Variants in AHCY observed in about 807,000 individuals in gnomAD.
The protein encoded by AHCY is S-adenosyl-L-homocysteine hydrolase.
In AHCY, 24 loss-of-function variants were observed where a neutral mutation model predicts 45.4. The observed-to-expected ratio is 0.53, with a 90% CI of 0.38 to 0.74. The LOEUF (loss-of-function observed/expected upper bound fraction) is 0.74. Ranked by LOEUF, AHCY falls within the 30% of genes least tolerant of loss-of-function variation. The pLI is 0.00. For synonymous variants in AHCY, 245 were observed against 235.1 expected (o/e 1.04, Z -0.39); for missense variants, 449 against 594.1 (o/e 0.76, Z 2.54).
the AHCY span, among the ~76,000 whole-genome samples, chr20:34,271,375 G>GT: frequency 6.6e-6 from 1 of 152,116 alleles, no homozygotes; most frequent in Non-Finnish European, 1.5e-5. Context: ...TTTGATTGTT[G>GT]TGAGAATCTG....
the AHCY span, chr20:34,268,859 G>A: frequency 9.8e-5 from 108 of 1,105,212 alleles, no homozygotes; most frequent in African/African-American, 1.3e-3. Context: ...GGGAGCGGGC[G>A]GTGGGCGGTG....
At chr20:34,300,975 G>A (rs2036750242) in intron 1 of AHCY, among the ~76,000 whole-genome samples, 1 of 152,198 alleles carries the variant, frequency 6.6e-6, no homozygotes, top group African/African-American at 2.4e-5. Context: ...CTGGCTCAGA[G>A]AAGGGGTCAG....
At chr20:34,255,773 C>T in the AHCY span, among the ~76,000 whole-genome samples, 2 of 152,202 alleles carry the variant, frequency 1.3e-5, no homozygotes, top group African/African-American at 4.8e-5. Context: ...TAGAGGGCTT[C>T]CTGGTCTAGC....
In AHCY at chr20:34,295,592, G is replaced by C; in HGVS notation, c.29-7C>G. 3 of 1,613,488 alleles carry C rather than the reference G, an allele frequency of 1.9e-6. No homozygotes were observed. The highest frequency in any genetic ancestry group is 2.5e-6 in the Non-Finnish European group (3 of 1,179,792). On this transcript the variant is annotated splice_region_variant and splice_polypyrimidine_tract_variant and intron_variant, in intron 1 of 9. Coordinates refer to ENST00000217426, the MANE Select transcript of AHCY (RefSeq NM_000687.4). ...GCAGCCAGGCCGATGTCGGCTACGG[G>C]AGGAAACAGGTGGGAGTTCCGTGAG...
intron 9 of AHCY, among the ~76,000 whole-genome samples, chr20:34,282,033 T>C (rs2036021105): frequency 1.3e-5 from 2 of 152,262 alleles, no homozygotes; most frequent in Admixed American, 1.3e-4. Flanking sequence ...GGTTGCTTTT[T>C]TTGATTAAAA....
chr20:34,290,579 T>G lies in AHCY; in HGVS notation c.826A>C (p.Thr276Pro). The change falls in exon 7 of 10, where the codon ACA becomes CCA. Residue 276 changes from threonine (T) to proline (P), a missense_variant. Physicochemically the swap from Thr to Pro is conservative, Grantham distance 38. Transcript: ENST00000217426. This position sits in a 1 kb window ranked among gnomAD's most constrained non-coding sequence, Gnocchi z 4.5. ...CQEGNIFVTT[T>P]GCIDIILGRH... ...CCAAGGATGATGTCAATACAGCCTG[T>G]GGTGGTGACAAAGATGTTGCCCTCC... 1 of 1,614,182 alleles carries G rather than the reference T, an allele frequency of 6.2e-7. No homozygotes were observed. The highest frequency in any genetic ancestry group is 2.2e-5 in the East Asian group (1 of 44,884).
chr20:34,234,573 C>T, the AHCY span, among the ~76,000 whole-genome samples: 2 of 151,792 alleles, frequency 1.3e-5, no homozygotes, highest in South Asian at 2.1e-4. Flanking sequence ...GTGTATATGA[C>T]GGACTGCATA....
chr20:34,280,164 A>G (rs1369038646), downstream of AHCY: 1 of 152,186 alleles, frequency 6.6e-6, no homozygotes, highest in African/African-American at 2.4e-5. Context: ...CAGCCGTTCC[A>G]CTGCAGAGTA....
upstream of AHCY, among the ~76,000 whole-genome samples, chr20:34,308,265 AT>A (rs1367436456): frequency 1.3e-5 from 2 of 152,236 alleles, no homozygotes. Context: ...ATTTTAAAAG[AT>A]TTGGCCAGGT....
At chr20:34,251,309 C>T in the AHCY span, among the ~76,000 whole-genome samples, 8 of 151,496 alleles carry the variant, frequency 5.3e-5, no homozygotes, top group African/African-American at 7.3e-5. Flanking sequence ...CTCGCTCCGT[C>T]GCCCAGGCTG....
chr20:34,281,611 A>T, intron 9 of AHCY: 1 of 269,904 alleles, frequency 3.7e-6, no homozygotes, highest in Admixed American at 4.8e-5. Flanking sequence ...GATCCGAGAG[A>T]CAGAAGGACA....
At chr20:34,259,413 T>G in the AHCY span, among the ~76,000 whole-genome samples, 1 of 151,850 alleles carries the variant, frequency 6.6e-6, no homozygotes, top group Non-Finnish European at 1.5e-5. Flanking sequence ...CTCTGGAGGC[T>G]GAGGCACGAG....
the AHCY span, among the ~76,000 whole-genome samples, chr20:34,242,367 G>A: frequency 6.6e-6 from 1 of 152,058 alleles, no homozygotes; most frequent in Admixed American, 6.6e-5. Flanking sequence ...TGAGTAGCTG[G>A]GACAACAGGC....
At chr20:34,295,227 G>C (rs755349819) in intron 2 of AHCY, 168 bp downstream of exon 2, 1 of 841,178 alleles carries the variant, frequency 1.2e-6, no homozygotes. Flanking sequence ...CTCACCACAA[G>C]GGGTGGCAGC....
At chr20:34,252,943 T>C in the AHCY span, among the ~76,000 whole-genome samples, 1 of 152,206 alleles carries the variant, frequency 6.6e-6, no homozygotes. Flanking sequence ...CCATTAAACT[T>C]TGATTCAATA....
At chr20:34,261,990 G>A in the AHCY span, among the ~76,000 whole-genome samples, 1 of 151,110 alleles carries the variant, frequency 6.6e-6, no homozygotes, top group African/African-American at 2.4e-5. Context: ...GTACATGCCT[G>A]TAATCCCAGC....
chr20:34,277,490 G>A (rs144197722), downstream of AHCY, among the ~76,000 whole-genome samples: 110 of 152,112 alleles, frequency 7.2e-4, no homozygotes, highest in African/African-American at 2.3e-3. Context: ...CATAAAGGCC[G>A]GGCACAGTGG....
At chr20:34,270,329 A>T in the AHCY span, among the ~76,000 whole-genome samples, 2 of 152,014 alleles carry the variant, frequency 1.3e-5, no homozygotes, top group East Asian at 3.8e-4. Context: ...TCTGTTCCTT[A>T]ACACAAGAAA....
At chr20:34,242,482 C>T in the AHCY span, among the ~76,000 whole-genome samples, 1 of 152,218 alleles carries the variant, frequency 6.6e-6, no homozygotes, top group African/African-American at 2.4e-5. Flanking sequence ...ATCTGCCCAC[C>T]TCAGCCTCCC....
Sources: allele counts gnomAD v4.1 joint callset (sites outside exome capture counted in the v4.1 genomes callset), GRCh38; gene constraint gnomAD v4.1.1; non-coding constraint Gnocchi (gnomAD v3.1); transcripts MANE v1.5; gene names NCBI Gene and HGNC (gene_info 2026-07-23, HGNC 2026-07-21).